BLK: variants seen among roughly 807,000 people sequenced by gnomAD.
BLK encodes the protein BLK proto-oncogene, Src family tyrosine kinase, also known as tyrosine-protein kinase Blk.
Under a neutral mutation model 61.8 loss-of-function variants are expected in BLK, and 64 were observed. The ratio of observed to expected loss-of-function variants is 1.03; its 90% CI spans 0.85 to 1.27. The LOEUF is 1.27. Among genes scored for constraint, BLK ranks in the 50% most tolerant of loss-of-function variants. The pLI, the probability that BLK is intolerant of heterozygous loss-of-function variation, is 0.00. For synonymous variants in BLK, 351 were observed against 272.0 expected (o/e 1.29, Z -2.86); for missense variants, 853 against 660.5 (o/e 1.29, Z -3.19).
Position 11,556,821 on chromosome 8 carries a change from C to A in BLK, c.936C>A (p.Thr312=), listed in dbSNP as rs376459589. 1.2e-6 allele frequency: 2 copies of A among 1,613,980 alleles called. No homozygotes were observed. Among genetic ancestry groups the A allele is most frequent in the Non-Finnish European group, 1.7e-6 (2 of 1,179,994 alleles). The change falls in exon 9 of 13, where the codon ACC becomes ACA. Residue 312 remains threonine (T), a synonymous_variant. Coordinates refer to ENST00000259089, the MANE Select transcript of BLK (RefSeq NM_001715.3). ...VVTKEPIYIV[T]EYMARGCLLD... ...CCAAGGAGCCCATCTACATTGTCACCGAGTACATGGCCAGAGGTGGTGCCC... is the reference window on the plus strand; with the variant it reads ...CCAAGGAGCCCATCTACATTGTCACAGAGTACATGGCCAGAGGTGGTGCCC...
chr8:11,555,540 C>G, intron 8 of BLK, 56 bp downstream of exon 8: 1 of 1,611,534 alleles, frequency 6.2e-7, no homozygotes, highest in Admixed American at 1.7e-5. Context: ...GCGCCGCATC[C>G]TGAGTCCAGG....
chr8:11,548,374 C>CCATGCAGCCCTCCTGACTCTTTTGGG, intron 4 of BLK, among the ~76,000 whole-genome samples: 1 of 152,248 alleles, frequency 6.6e-6, no homozygotes, highest in Non-Finnish European at 1.5e-5. Context: ...GCCACCGCCT[C>CCATGCAGCCCTCCTGACTCTTTTGGG]CATGCAGCCC....
chr8:11,542,192 C>T (rs748022486), intron 1 of BLK, among the ~76,000 whole-genome samples: 1 of 152,016 alleles, frequency 6.6e-6, no homozygotes, highest in African/African-American at 2.4e-5. Flanking sequence ...TTATGTATCA[C>T]TAAAAGAGAA....
chr8:11,525,917 G>A (rs939857267), intron 1 of BLK, among the ~76,000 whole-genome samples: 1 of 152,026 alleles, frequency 6.6e-6, no homozygotes, highest in African/African-American at 2.4e-5. Flanking sequence ...GCTGATTTTT[G>A]TATTTTTAGC....
intron 8 of BLK, chr8:11,556,403 C>G (rs1193324511): frequency 1.9e-6 from 1 of 530,434 alleles, no homozygotes. Context: ...CAGAAGGACA[C>G]AGGCCCAGGG....
chr8:11,496,723 G>C (rs1247540123), intron 1 of BLK, among the ~76,000 whole-genome samples: 1 of 152,182 alleles, frequency 6.6e-6, no homozygotes, highest in Non-Finnish European at 1.5e-5. Context: ...AGAGAATGAG[G>C]ACCCAGGCCC....
rs940480221 is a variant in BLK, at chr8:11,554,978, G to T, written c.619+89G>T. On this transcript the variant is annotated intron_variant, in intron 7 of 12. Transcript: ENST00000259089. ...ATTCCCAATTGTGTGAGTCATTGGT[G>T]CCACCTTGGGGGATGGAAAGATTAT... 2.6e-6 allele frequency: 4 copies of T among 1,537,060 alleles called. No individual in the cohort carries two copies. In the African/African-American group the frequency reaches 5.4e-5, roughly 21 times the overall value.
At chr8:11,500,669 C>T (rs1216017483) in intron 1 of BLK, among the ~76,000 whole-genome samples, 2 of 151,934 alleles carry the variant, frequency 1.3e-5, no homozygotes, top group Admixed American at 6.6e-5. Context: ...GTGTGCACCA[C>T]CACGCCTGGC....
intron 6 of BLK, among the ~76,000 whole-genome samples, chr8:11,550,518 C>A (rs995849728): frequency 6.6e-6 from 1 of 152,238 alleles, no homozygotes; most frequent in Non-Finnish European, 1.5e-5. Context: ...CCAGACTGGC[C>A]CTGCTGCCCA....
At chr8:11,553,063 C>A (rs1800992094) in intron 6 of BLK, 1 of 170,924 alleles carries the variant, frequency 5.9e-6, no homozygotes, top group Non-Finnish European at 1.3e-5. Flanking sequence ...TGCACAGATG[C>A]AATGAACACG....
chr8:11,503,013 G>A lies in BLK; in HGVS notation c.-2+8422G>A, dbSNP rs191187634. ...GTTTTCCACAACCATGGGATACAAG[G>A]ATGTCCCCTTGGGCTCCTTCTCATC... is the stretch of plus-strand genomic sequence containing the variant. On this transcript the variant is annotated intron_variant, in intron 1 of 12. Transcript: ENST00000259089. Among the ~76,000 whole-genome samples the A allele has an allele frequency of 3.8e-3, 585 of 152,318 alleles. 5 individuals carry two copies. Among genetic ancestry groups the A allele is most frequent in the African/African-American group, 0.013 (558 of 41,564 alleles).
intron 1 of BLK, among the ~76,000 whole-genome samples, chr8:11,520,111 C>T (rs1169135946): frequency 6.6e-6 from 1 of 152,108 alleles, no homozygotes; most frequent in African/African-American, 2.4e-5. Flanking sequence ...ATAAAACAAG[C>T]TATTTCAATC....
chr8:11,498,287 G>C (rs1229474001), intron 1 of BLK, among the ~76,000 whole-genome samples: 1 of 152,150 alleles, frequency 6.6e-6, no homozygotes, highest in Admixed American at 6.6e-5. Context: ...GTGTCTATAA[G>C]GGCATTTGAG....
intron 1 of BLK, among the ~76,000 whole-genome samples, chr8:11,517,664 C>G (rs79409678): frequency 5.9e-5 from 9 of 152,308 alleles, no homozygotes; most frequent in Non-Finnish European, 7.4e-5. Context: ...GACAGCCACC[C>G]AGACCTTGAC....
intron 1 of BLK, among the ~76,000 whole-genome samples, chr8:11,540,056 CTT>C (rs35336055): frequency 0.03 from 4,512 of 152,106 alleles, 221 homozygotes; most frequent in African/African-American, 0.1. Context: ...TGAATTTGTA[CTT>C]TTTTTGTTCT....
chr8:11,561,409 T>G lies in BLK; in HGVS notation c.1137T>G (p.Phe379Leu). Residue 379 changes from phenylalanine (F) to leucine (L), a missense_variant, in exon 11 of 13, where the codon TTT becomes TTG. Phe to Leu is a conservative substitution (Grantham distance 22, BLOSUM62 0). Coordinates refer to ENST00000259089, the MANE Select transcript of BLK (RefSeq NM_001715.3). The stretch of plus-strand genomic sequence containing the variant: ...CCTTGTGCTGCAAAATTGCTGATTT[T>G]GGCTTGGCTCGAATCATCGACAGTG... ...SEALCCKIADFGLARIIDSEY... is the reference protein window; with the variant it reads ...SEALCCKIADLGLARIIDSEY... 9.3e-6 allele frequency: 15 copies of G among 1,614,142 alleles called. No individual in the cohort carries two copies. Among genetic ancestry groups the G allele is most frequent in the Non-Finnish European group, 6.8e-6 (8 of 1,180,016 alleles).
At chr8:11,530,510 A>G (rs527346568) in intron 1 of BLK, among the ~76,000 whole-genome samples, 57 of 152,376 alleles carry the variant, frequency 3.7e-4, no homozygotes, top group African/African-American at 1.3e-3. Flanking sequence ...TCTTGCTACA[A>G]AAGAAAACAC....
chr8:11,516,533 C>A (rs1799232749), intron 1 of BLK, among the ~76,000 whole-genome samples: 1 of 152,168 alleles, frequency 6.6e-6, no homozygotes, highest in Non-Finnish European at 1.5e-5. Flanking sequence ...TTTCTATCTT[C>A]TCCCATTTTT....
chr8:11,541,122 T>A (rs565959472), intron 1 of BLK, among the ~76,000 whole-genome samples: 22 of 151,998 alleles, frequency 1.4e-4, no homozygotes, highest in Non-Finnish European at 1.9e-4. Flanking sequence ...AAAAATTTAG[T>A]AGGGCATGGT....
Sources: allele counts gnomAD v4.1 joint callset (sites outside exome capture counted in the v4.1 genomes callset), GRCh38; gene constraint gnomAD v4.1.1; transcripts MANE v1.5; gene names NCBI Gene and HGNC (gene_info 2026-07-23, HGNC 2026-07-21).